Variants in APC2 observed in about 807,000 individuals in gnomAD.
The protein encoded by APC2 is adenomatous polyposis coli protein 2.
APC2 carries 41 observed loss-of-function variants against 72.5 expected under a neutral mutation model. That is an observed-to-expected ratio of 0.57 (90% CI 0.44 to 0.73). APC2 has a LOEUF of 0.73. APC2 is among the 30% of genes least tolerant of loss of function. The pLI, the probability that APC2 is intolerant of heterozygous loss-of-function variation, is 0.00. For synonymous variants in APC2, 1,898 were observed against 1,612.0 expected (o/e 1.18, Z -4.25); for missense variants, 3,729 against 3,403.4 (o/e 1.10, Z -2.38).
In APC2 at chr19:1,466,939, C is replaced by A. The variant is rs1368929020; in HGVS notation, c.3638C>A (p.Thr1213Lys). 1.3e-6 allele frequency: 2 copies of A among 1,599,506 alleles called. No homozygotes were observed. The highest frequency in any genetic ancestry group is 1.7e-6 in the Non-Finnish European group (2 of 1,173,642). Residue 1213 changes from threonine to lysine, a missense_variant, in exon 15 of 15, where the codon ACG becomes AAG. Physicochemically the swap from Thr to Lys is moderately conservative, Grantham distance 78. Transcript: ENST00000590469. ...ACCATGCCTCCCAGCCGGAGCAAGACGCCACCGCTGGCGCCCGCGCCACAG... is the reference window on the plus strand; with the variant it reads ...ACCATGCCTCCCAGCCGGAGCAAGAAGCCACCGCTGGCGCCCGCGCCACAG... ...GQTMPPSRSK[T>K]PPLAPAPQGP...
At chr19:1,447,512 C>A (rs2083698292), upstream of APC2, among the ~76,000 whole-genome samples, 1 of 151,966 alleles carries the variant, frequency 6.6e-6, no homozygotes, top group South Asian at 2.1e-4. Flanking sequence ...TGGGCTAGGC[C>A]CTGCGTTCTG....
rs544738273 is a variant in APC2, at chr19:1,456,830, C to G, written c.817-23C>G. On this transcript the variant is annotated intron_variant, in intron 8 of 14. Coordinates refer to ENST00000590469, the MANE Select transcript of APC2 (RefSeq NM_005883.3). Reference sequence around the variant, plus strand: ...TGCGGGGGGCAGGTGAGGGACCCCACCCTGACCCTGCCCTCCCCCCAGGTG... The same window carrying G: ...TGCGGGGGGCAGGTGAGGGACCCCAGCCTGACCCTGCCCTCCCCCCAGGTG... 10 of 1,586,820 alleles carry G rather than the reference C, an allele frequency of 6.3e-6. No individual in the cohort carries two copies. The South Asian group carries it at 9.1e-5, about 14-fold the overall frequency.
chr19:1,470,366 G>C lies in APC2; in HGVS notation c.*153G>C. 1 of 1,143,370 alleles carries C rather than the reference G, an allele frequency of 8.7e-7. No individual in the cohort carries two copies. The highest frequency in any genetic ancestry group is 1.2e-6 in the Non-Finnish European group (1 of 850,744). The allele number at this position is 1,143,370 out of a possible 1,614,324, so 70.8% of individuals were successfully genotyped here. On this transcript the variant is annotated 3_prime_UTR_variant, in exon 15 of 15. Coordinates refer to ENST00000590469, the MANE Select transcript of APC2 (RefSeq NM_005883.3). Reference sequence around the variant, plus strand: ...CTCTCAGAACCCCCGCCCAGCGCACGGCGACCTCGCGCCTCACCGGAAGAC... The same window carrying C: ...CTCTCAGAACCCCCGCCCAGCGCACCGCGACCTCGCGCCTCACCGGAAGAC...
At chr19:1,460,697 GCA>G in intron 11 of APC2, 81 bp from the exon 12 acceptor site, 1 of 1,382,360 alleles carries the variant, frequency 7.2e-7, no homozygotes, top group Non-Finnish European at 1.0e-6. Context: ...TGCAGCTGCA[GCA>G]CACAGACGGG....
At chr19:1,456,511 C>T (rs757027739) in intron 8 of APC2, 107 bp downstream of exon 8, 23 of 1,199,338 alleles carry the variant, frequency 1.9e-5, no homozygotes, top group Non-Finnish European at 2.4e-5. Flanking sequence ...CCATCCAGCA[C>T]CCCCTCGGGT....
upstream of APC2, among the ~76,000 whole-genome samples, chr19:1,446,575 G>C (rs897203042): frequency 6.6e-6 from 1 of 151,796 alleles, no homozygotes; most frequent in Non-Finnish European, 1.5e-5. This position sits in a 1 kb window ranked among gnomAD's most constrained non-coding sequence, Gnocchi z 6.1. Context: ...CCCCAGCCCC[G>C]GGTCTGCGCA....
intron 4 of APC2, among the ~76,000 whole-genome samples, chr19:1,454,802 C>A (rs1470712748): frequency 1.3e-5 from 2 of 152,116 alleles, no homozygotes; most frequent in South Asian, 4.1e-4. Context: ...CTCCTGACCT[C>A]GTGATCCGCC....
upstream of APC2, among the ~76,000 whole-genome samples, chr19:1,448,160 A>C (rs2083703285): frequency 6.6e-6 from 1 of 151,978 alleles, no homozygotes; most frequent in Non-Finnish European, 1.5e-5. Flanking sequence ...TTGACCTGTC[A>C]AACCCCACCA....
In APC2 at chr19:1,468,117, G is replaced by A; in HGVS notation, c.4816G>A (p.Val1606Ile). The A allele has an allele frequency of 2.6e-6, 4 of 1,518,772 alleles. No individual in the cohort carries two copies. The highest frequency in any genetic ancestry group is 3.5e-6 in the Non-Finnish European group (4 of 1,140,858). The allele number at this position is 1,518,772 out of a possible 1,614,324, so 94.1% of individuals were successfully genotyped here. Residue 1606 changes from valine to isoleucine, a missense_variant, in exon 15 of 15, where the codon GTC (valine) becomes ATC (isoleucine). Transcript: ENST00000590469. Reference sequence around the variant, plus strand: ...CCATCCACGAGGCCGGGAGCCCGCGGTCACCAAGGACCCGGGCCCAGGAGG... The same window carrying A: ...CCATCCACGAGGCCGGGAGCCCGCGATCACCAAGGACCCGGGCCCAGGAGG... ...AVHPRGREPA[V>I]TKDPGPGGGR...
Position 1,457,895 on chromosome 19 carries a change from C to CGGGGGGGGTG in APC2, c.1208-67_1208-66insGGGGGTGGGG. 5 of 1,233,430 alleles carry CGGGGGGGGTG rather than the reference C, an allele frequency of 4.1e-6. No homozygotes were observed. In the East Asian group the frequency reaches 1.1e-4, roughly 27 times the overall value. The allele number at this position is 1,233,430 out of a possible 1,614,324, so 76.4% of individuals were successfully genotyped here. A position where few individuals can be genotyped will look rare whatever the true frequency, so the allele number is the denominator to read the frequency against. ...CTTCAGGCCTGGGGCGGGCGGGTTG[C>CGGGGGGGGTG]GGGACCTTCGGGAGTCACCTGGGAC... On this transcript the variant is annotated intron_variant, in intron 9 of 14. Coordinates refer to ENST00000590469, the MANE Select transcript of APC2 (RefSeq NM_005883.3).
upstream of APC2, among the ~76,000 whole-genome samples, chr19:1,449,360 G>A (rs1599126019): frequency 6.6e-6 from 1 of 152,328 alleles, no homozygotes; most frequent in South Asian, 2.1e-4. Flanking sequence ...AGGGACTCAT[G>A]GAGCATCCAG....
Position 1,465,952 on chromosome 19 carries a change from C to A in APC2, c.2651C>A (p.Pro884Gln), listed in dbSNP as rs1379179726. Residue 884 changes from proline to glutamine, a missense_variant, in exon 15 of 15, where the codon CCA (proline) becomes CAA (glutamine). Pro to Gln is a moderately conservative substitution (Grantham distance 76). Coordinates refer to ENST00000590469, the MANE Select transcript of APC2 (RefSeq NM_005883.3). ...TCTGGAGACCCGGGACAGGAGGCGC[C>A]ACGGGAGGGCCGCGCCCAGTCCTGC... ...LSSGDPGQEAPREGRAQSCSP... is the reference protein window; with the variant it reads ...LSSGDPGQEAQREGRAQSCSP... 1.9e-6 allele frequency: 3 copies of A among 1,577,530 alleles called. No individual in the cohort carries two copies. The highest frequency in any genetic ancestry group is 2.6e-6 in the Non-Finnish European group (3 of 1,168,024).
In APC2 at chr19:1,452,864, C is replaced by T. The variant is rs997880555; in HGVS notation, c.-18-120C>T. ...CCACACCAGTGACTCCTGCCTGAGA[C>T]CCCCCCCAACCCAGGATCAGGCAGG... On this transcript the variant is annotated intron_variant, in intron 1 of 14. Coordinates refer to ENST00000590469, the MANE Select transcript of APC2 (RefSeq NM_005883.3). This position sits in a 1 kb window ranked among gnomAD's most constrained non-coding sequence, Gnocchi z 5.1. 1.0e-5 allele frequency: 12 copies of T among 1,145,842 alleles called. No homozygotes were observed. Among genetic ancestry groups the T allele is most frequent in the Non-Finnish European group, 1.4e-5 (12 of 846,780 alleles). The allele number at this position is 1,145,842 out of a possible 1,614,324, so 71.0% of individuals were successfully genotyped here.
At position 1,457,015 on chromosome 19, in the gene APC2, G is replaced by A. The variant is rs2083840813; in HGVS notation, c.979G>A (p.Ala327Thr). Residue 327 changes from alanine to threonine, a missense_variant, in exon 9 of 15, where the codon GCG becomes ACG. Physicochemically the swap from Ala to Thr is moderately conservative, Grantham distance 58. Transcript: ENST00000590469. Reference protein sequence around the residue: ...LLQILHGTEAAAGGRAGAPGA... With the variant: ...LLQILHGTEATAGGRAGAPGA... ...GCAAATCCTCCACGGCACCGAGGCC[G>A]CGGCCGGGGGTCGCGCCGGGGCCCC... The A allele has an allele frequency of 1.4e-5, 22 of 1,528,520 alleles. No homozygotes were observed. Among genetic ancestry groups the A allele is most frequent in the African/African-American group, 2.8e-5 (2 of 71,316 alleles). 94.7% of individuals were successfully genotyped at this position (1,528,520 alleles called of 1,614,324 possible).
upstream of APC2, among the ~76,000 whole-genome samples, chr19:1,449,953 G>GC (rs2083722708): frequency 6.6e-6 from 1 of 151,980 alleles, no homozygotes; most frequent in Non-Finnish European, 1.5e-5. Context: ...GGGGGGTTTC[G>GC]CCCCCCGCAC....
chr19:1,461,950 G>T lies in APC2; in HGVS notation c.1639-13G>T. 2 of 1,092,314 alleles carry T rather than the reference G, an allele frequency of 1.8e-6. No homozygotes were observed. Among genetic ancestry groups the T allele is most frequent in the Non-Finnish European group, 2.6e-6 (2 of 755,560 alleles). The allele number at this position is 1,092,314 out of a possible 1,614,324, so 67.7% of individuals were successfully genotyped here. On this transcript the variant is annotated splice_polypyrimidine_tract_variant and intron_variant, in intron 13 of 14. Transcript: ENST00000590469. ...TCAGGCCCTGACCCGCCCCTCTCCC[G>T]CCCCTCGTCCAGGAGTCCACCCTGA...
rs200824349 is a variant in APC2, at chr19:1,453,491, C to G, written c.293C>G (p.Pro98Arg). 8 of 1,605,854 alleles carry G rather than the reference C, an allele frequency of 5.0e-6. No individual in the cohort carries two copies. The highest frequency in any genetic ancestry group is 2.2e-5 in the East Asian group (1 of 44,636). ...AAGTTCCAGCCGCCCACCCTGGGCC[C>G]GGAGCCTGCCGCCCGGACCCCCGAG... ...NLKFQPPTLG[P>R]EPAARTPEGS... Residue 98 changes from proline (P) to arginine (R), a missense_variant, in exon 4 of 15, where the codon CCG becomes CGG. Physicochemically the swap from Pro to Arg is moderately radical, Grantham distance 103. Transcript: ENST00000590469.
rs1042529454 is a variant in APC2 at position 1,461,901 on chromosome 19, G to A, written c.1639-62G>A. On this transcript the variant is annotated intron_variant, in intron 13 of 14. Coordinates refer to ENST00000590469, the MANE Select transcript of APC2 (RefSeq NM_005883.3). Reference sequence around the variant, plus strand: ...AAACCCAACTTCACTGAATGTGAGCGTGGGAGCCTTTCCTCCGGGCCACTC... The same window carrying A: ...AAACCCAACTTCACTGAATGTGAGCATGGGAGCCTTTCCTCCGGGCCACTC... 3.4e-5 allele frequency: 47 copies of A among 1,390,866 alleles called. No homozygotes were observed. The African/African-American group carries it at 5.4e-4, about 16-fold the overall frequency. 86.2% of individuals were successfully genotyped at this position (1,390,866 alleles called of 1,614,324 possible).
rs2083726346 is a variant in APC2 at position 1,450,183 on chromosome 19, G to T, written c.-174G>T. 1.0e-6 allele frequency: 1 copy of T among 985,166 alleles called. No individual in the cohort carries two copies. The highest frequency in any genetic ancestry group is 6.2e-5 in the Admixed American group (1 of 16,252). 61.0% of individuals were successfully genotyped at this position (985,166 alleles called of 1,614,324 possible). On this transcript the variant is annotated 5_prime_UTR_variant, in exon 1 of 15. Coordinates refer to ENST00000590469, the MANE Select transcript of APC2 (RefSeq NM_005883.3). ...CCTGCCCAGGCCCGGACCGGGCTTT[G>T]TCCGCCCCGGAGCCCCTGCCCGCGC...
Sources: allele counts gnomAD v4.1 joint callset (sites outside exome capture counted in the v4.1 genomes callset), GRCh38; gene constraint gnomAD v4.1.1; non-coding constraint Gnocchi (gnomAD v3.1); transcripts MANE v1.5; gene names NCBI Gene and HGNC (gene_info 2026-07-23, HGNC 2026-07-21).